NCOA1: variants seen among roughly 807,000 people sequenced by gnomAD.
NCOA1 encodes the protein Hin-2 protein.
In NCOA1, 35 loss-of-function variants were observed where a neutral mutation model predicts 150.9. The observed-to-expected ratio is 0.23, with a 90% CI of 0.18 to 0.31. NCOA1 has a LOEUF of 0.31. Ranked by LOEUF, NCOA1 falls within the 10% of genes least tolerant of loss-of-function variation. NCOA1 has a pLI of 1.00. For missense variants in NCOA1, 1,491 were observed against 1,749.3 expected, an observed-to-expected ratio of 0.85 and a Z score of 2.63; for synonymous variants, 590 against 630.0, an observed-to-expected ratio of 0.94 and a Z score of 0.95.
chr2:24,763,579 C>A (rs1250547220), intron 22 of NCOA1, among the ~76,000 whole-genome samples: 1 of 143,530 alleles, frequency 7.0e-6, no homozygotes, highest in Non-Finnish European at 1.5e-5. Flanking sequence ...GGGCTTAATT[C>A]ACTTTCGTAA....
rs1669368371 is a variant in NCOA1, at chr2:24,625,492, G to A, written c.-174-18474G>A. Among the ~76,000 whole-genome samples, 4 of 151,254 alleles carry A rather than the reference G, an allele frequency of 2.6e-5. 1 individual carries two copies. The highest frequency in any genetic ancestry group is 2.6e-4 in the Admixed American group (4 of 15,184). On this transcript the variant is annotated intron_variant, in intron 3 of 22. Coordinates refer to ENST00000348332, the MANE Select transcript of NCOA1 (RefSeq NM_003743.5). Reference sequence around the variant, plus strand: ...TTTTGCTTTGTTAATTTTTTCTACTGTTTTATTTCTTTCACTGATTTCTGC... The same window carrying A: ...TTTTGCTTTGTTAATTTTTTCTACTATTTTATTTCTTTCACTGATTTCTGC...
intron 14 of NCOA1, among the ~76,000 whole-genome samples, chr2:24,717,226 A>G (rs922114134): frequency 3.9e-5 from 6 of 152,228 alleles, no homozygotes; most frequent in Admixed American, 3.9e-4. Flanking sequence ...TACTCTTACC[A>G]TATGATCCAG....
At chr2:24,535,977 C>G (rs918149506) in intron 1 of NCOA1, among the ~76,000 whole-genome samples, 5 of 152,112 alleles carry the variant, frequency 3.3e-5, no homozygotes, top group Non-Finnish European at 5.9e-5. Flanking sequence ...CTGTGTACTT[C>G]CGAATTTGAA....
At chr2:24,699,252 A>G (rs553424666) in intron 11 of NCOA1, among the ~76,000 whole-genome samples, 1 of 152,182 alleles carries the variant, frequency 6.6e-6, no homozygotes, top group Non-Finnish European at 1.5e-5. Flanking sequence ...GGGCCTTCCA[A>G]GGCTTTACTT....
intron 3 of NCOA1, among the ~76,000 whole-genome samples, chr2:24,617,946 G>A (rs377022717): frequency 9.7e-4 from 147 of 151,968 alleles, no homozygotes; most frequent in African/African-American, 3.4e-3. Context: ...GACATGAGAA[G>A]GAACATATGT....
At chr2:24,756,157 G>A (rs1664489931) in intron 20 of NCOA1, among the ~76,000 whole-genome samples, 2 of 152,188 alleles carry the variant, frequency 1.3e-5, no homozygotes, top group South Asian at 4.2e-4. Flanking sequence ...GGGAGGCTGA[G>A]GCAGGAGAAT....
chr2:24,563,349 A>G (rs1320530033), intron 1 of NCOA1, among the ~76,000 whole-genome samples: 1 of 152,178 alleles, frequency 6.6e-6, no homozygotes, highest in East Asian at 1.9e-4. Flanking sequence ...TAGGAGTCAC[A>G]GGTAGAAGTA....
intron 17 of NCOA1, among the ~76,000 whole-genome samples, chr2:24,734,648 C>CA (rs1157642603): frequency 6.6e-6 from 1 of 151,656 alleles, no homozygotes; most frequent in Non-Finnish European, 1.5e-5. Context: ...TAAAAAAAAC[C>CA]AAAAAACAAA....
intron 14 of NCOA1, among the ~76,000 whole-genome samples, chr2:24,719,230 C>G (rs1022799685): frequency 2.6e-5 from 4 of 151,914 alleles, no homozygotes; most frequent in African/African-American, 7.3e-5. Context: ...TTTAAGCTCT[C>G]AAACAGGCAA....
chr2:24,677,885 C>G (rs1168788083), intron 7 of NCOA1, among the ~76,000 whole-genome samples: 1 of 151,256 alleles, frequency 6.6e-6, no homozygotes. Context: ...TTTTTTTCTT[C>G]AACTTTTAAG....
chr2:24,539,597 C>T (rs760974728), intron 1 of NCOA1, among the ~76,000 whole-genome samples: 9 of 152,152 alleles, frequency 5.9e-5, no homozygotes, highest in Non-Finnish European at 8.8e-5. Flanking sequence ...ATTTGCATTT[C>T]AGAATACTTA....
chr2:24,721,243 A>G (rs1674343361), intron 14 of NCOA1, among the ~76,000 whole-genome samples: 1 of 152,152 alleles, frequency 6.6e-6, no homozygotes, highest in East Asian at 1.9e-4. Context: ...TATGGATGCA[A>G]TAGACTTTTT....
At chr2:24,508,625 C>G (rs1663805495) in intron 1 of NCOA1, among the ~76,000 whole-genome samples, 1 of 152,066 alleles carries the variant, frequency 6.6e-6, no homozygotes. Flanking sequence ...TTCCCCCCAT[C>G]CCCTTTTTTT....
intron 1 of NCOA1, among the ~76,000 whole-genome samples, chr2:24,509,619 G>A (rs1459712805): frequency 6.6e-6 from 1 of 152,164 alleles, no homozygotes; most frequent in African/African-American, 2.4e-5. Context: ...TTCTTCTCTT[G>A]TTAAAATTGA....
chr2:24,564,106 T>C (rs1666398516), intron 1 of NCOA1, among the ~76,000 whole-genome samples, 189 bp from the exon 2 acceptor site: 1 of 152,266 alleles, frequency 6.6e-6, no homozygotes, highest in Admixed American at 6.5e-5. Context: ...ATTTATCTAT[T>C]ATACCTTTAA....
intron 22 of NCOA1, among the ~76,000 whole-genome samples, chr2:24,765,400 G>A (rs2148705819): frequency 6.6e-6 from 1 of 152,046 alleles, no homozygotes; most frequent in Admixed American, 6.5e-5. Flanking sequence ...TCGGGAGGCT[G>A]AGGCAGGAGA....
intron 14 of NCOA1, among the ~76,000 whole-genome samples, chr2:24,722,588 C>A (rs903422767): frequency 6.6e-6 from 1 of 151,898 alleles, no homozygotes; most frequent in African/African-American, 2.4e-5. Context: ...CTGAAGAATT[C>A]CAAAAATATT....
chr2:24,731,020 A>C (rs1662984363), intron 17 of NCOA1, among the ~76,000 whole-genome samples: 1 of 148,580 alleles, frequency 6.7e-6, no homozygotes, highest in Admixed American at 6.8e-5. Flanking sequence ...CCTGGGTGAC[A>C]GAGCAAGACT....
intron 19 of NCOA1, among the ~76,000 whole-genome samples, chr2:24,747,537 C>T (rs1173744614): frequency 6.6e-6 from 1 of 151,902 alleles, no homozygotes; most frequent in Non-Finnish European, 1.5e-5. Context: ...CTACATTGTC[C>T]AGGCTGGTCT....
Sources: gnomAD v4.1 joint callset for allele counts (sites outside exome capture counted in the v4.1 genomes callset) on GRCh38, gnomAD v4.1.1 for gene constraint, MANE v1.5 for transcripts, NCBI Gene and HGNC (gene_info 2026-07-23, HGNC 2026-07-21) for gene names.